The following STAG1 variants were observed in gnomAD, a reference collection of about 807,000 sequenced individuals.
STAG1 encodes cohesin subunit SA-1.
In STAG1, 26 loss-of-function variants were observed where a neutral mutation model predicts 170.9. That is an observed-to-expected ratio of 0.15 (90% confidence interval 0.11 to 0.21). The LOEUF (loss-of-function observed/expected upper bound fraction) is 0.21, where lower values mean the gene tolerates loss of function less well. Ranked by LOEUF, STAG1 falls within the 10% of genes least tolerant of loss-of-function variation. STAG1 has a pLI of 1.00. For missense variants in STAG1, 964 were observed against 1,509.5 expected (o/e 0.64, Z 5.99); for synonymous variants, 514 against 497.7 (o/e 1.03, Z -0.44).
intron 10 of STAG1, among the ~76,000 whole-genome samples, chr3:136,476,102 T>C (rs1000467981): frequency 6.6e-6 from 1 of 152,248 alleles, no homozygotes; most frequent in Non-Finnish European, 1.5e-5. Context: ...CCTGAAAATA[T>C]GGCTCATGCC....
intron 5 of STAG1, among the ~76,000 whole-genome samples, chr3:136,551,165 CTTTTT>C (rs750035148): frequency 1.3e-5 from 1 of 79,122 alleles, no homozygotes. Context: ...TTTTTAACTC[CTTTTT>C]TTTTTTTTTT....
chr3:136,734,851 C>T (rs1934245999), intron 1 of STAG1, among the ~76,000 whole-genome samples: 1 of 152,076 alleles, frequency 6.6e-6, no homozygotes, highest in African/African-American at 2.4e-5. Flanking sequence ...TGAAGGATAT[C>T]CTGCCATTCG....
intron 4 of STAG1, among the ~76,000 whole-genome samples, chr3:136,573,893 C>A (rs1413864610): frequency 4.6e-5 from 7 of 152,102 alleles, no homozygotes; most frequent in Middle Eastern, 3.4e-3. Context: ...ATGGCGAGAA[C>A]CTGGGAGGCG....
At chr3:136,727,156 T>C (rs946662761) in intron 1 of STAG1, among the ~76,000 whole-genome samples, 2 of 147,100 alleles carry the variant, frequency 1.4e-5, no homozygotes, top group African/African-American at 5.5e-5. Context: ...TGATACTGTC[T>C]CTCATGTAAG....
At chr3:136,464,817 A>G in intron 13 of STAG1, 64 bp downstream of exon 13, 1 of 1,376,096 alleles carries the variant, frequency 7.3e-7, no homozygotes. Flanking sequence ...TCTTCTACAA[A>G]CTCTAAAACA....
chr3:136,416,809 T>C (rs2087788287), intron 21 of STAG1, among the ~76,000 whole-genome samples: 1 of 151,666 alleles, frequency 6.6e-6, no homozygotes, highest in Admixed American at 6.6e-5. Context: ...AATGAATTAA[T>C]CACAGCAATA....
At chr3:136,421,453 T>A (rs1001575246) in intron 19 of STAG1, among the ~76,000 whole-genome samples, 1 of 152,202 alleles carries the variant, frequency 6.6e-6, no homozygotes, top group East Asian at 1.9e-4. Flanking sequence ...AGATTTTCAA[T>A]GATTTCCAAT....
chr3:136,498,415 G>C (rs985868681), intron 9 of STAG1, among the ~76,000 whole-genome samples: 2 of 149,936 alleles, frequency 1.3e-5, no homozygotes, highest in African/African-American at 4.9e-5. Flanking sequence ...CAGATATGTT[G>C]CATAATTCCA....
chr3:136,573,729 T>C (rs919358412), intron 4 of STAG1, among the ~76,000 whole-genome samples: 2 of 151,948 alleles, frequency 1.3e-5, no homozygotes, highest in Non-Finnish European at 2.9e-5. Flanking sequence ...TCCCAGCACT[T>C]TGGGAGGCCG....
At chr3:136,576,480 CA>C (rs1013789479) in intron 4 of STAG1, among the ~76,000 whole-genome samples, 1 of 150,790 alleles carries the variant, frequency 6.6e-6, no homozygotes, top group African/African-American at 2.4e-5. Flanking sequence ...ATTCATATGA[CA>C]AAAAATGATG....
At chr3:136,464,202 T>C (rs1576492845) in intron 13 of STAG1, among the ~76,000 whole-genome samples, 1 of 151,914 alleles carries the variant, frequency 6.6e-6, no homozygotes, top group Admixed American at 6.6e-5. Flanking sequence ...GGCGGGCGGA[T>C]TACCTGAGGT....
intron 14 of STAG1, among the ~76,000 whole-genome samples, chr3:136,448,928 A>G (rs2088860793): frequency 6.6e-6 from 1 of 151,990 alleles, no homozygotes; most frequent in Admixed American, 6.6e-5. Context: ...CCATCCCAAA[A>G]AAAAAAGACT....
chr3:136,656,913 C>T (rs550077423), intron 1 of STAG1, among the ~76,000 whole-genome samples: 19 of 151,850 alleles, frequency 1.3e-4, no homozygotes, highest in Non-Finnish European at 2.5e-4. Flanking sequence ...TCAGCAATTC[C>T]TCTTCTAAAA....
At position 136,500,819 on chromosome 3, in the gene STAG1, G is replaced by GTA. The variant is rs1933425556; in HGVS notation, c.829-524_829-523insTA. ...AAAAAGGATCCTGGCTACTTATGGT[G>GTA]AAGTACAGTAACAAAATAAATAGTA... On this transcript the variant is annotated intron_variant, in intron 8 of 33. Transcript: ENST00000383202. Among the ~76,000 whole-genome samples the GTA allele has an allele frequency of 2.6e-5, 4 of 152,294 alleles. No homozygotes were observed. The South Asian group carries it at 8.3e-4, about 32-fold the overall frequency.
intron 6 of STAG1, among the ~76,000 whole-genome samples, chr3:136,533,327 G>T (rs1234279770): frequency 6.6e-6 from 1 of 151,998 alleles, no homozygotes; most frequent in Non-Finnish European, 1.5e-5. Context: ...GGTAACCACT[G>T]AATTTTTTCT....
At chr3:136,458,173 T>G (rs1422334667) in intron 13 of STAG1, among the ~76,000 whole-genome samples, 1 of 152,086 alleles carries the variant, frequency 6.6e-6, no homozygotes, top group Non-Finnish European at 1.5e-5. Flanking sequence ...TTGTTTTGTT[T>G]TGAGAGTGAG....
chr3:136,699,343 C>T (rs142751247), intron 1 of STAG1, among the ~76,000 whole-genome samples: 230 of 152,292 alleles, frequency 1.5e-3, no homozygotes, highest in African/African-American at 5.1e-3. Flanking sequence ...TGTTTATCCA[C>T]ACCATCAAAT....
intron 13 of STAG1, among the ~76,000 whole-genome samples, chr3:136,461,117 T>C (rs2089261238): frequency 6.6e-6 from 1 of 152,148 alleles, no homozygotes; most frequent in Non-Finnish European, 1.5e-5. Context: ...AAAAAGCATT[T>C]GAAAGAAATC....
chr3:136,432,443 G>C (rs1298399028), intron 16 of STAG1, among the ~76,000 whole-genome samples: 1 of 146,334 alleles, frequency 6.8e-6, no homozygotes, highest in Non-Finnish European at 1.5e-5. Flanking sequence ...CATGGCTGTA[G>C]TTTTTCTTGA....
Sources: gnomAD v4.1 joint callset for allele counts (sites outside exome capture counted in the v4.1 genomes callset) on GRCh38, gnomAD v4.1.1 for gene constraint, MANE v1.5 for transcripts, NCBI Gene and HGNC (gene_info 2026-07-23, HGNC 2026-07-21) for gene names.